The following DHX8 variants were observed in gnomAD, a reference collection of about 807,000 sequenced individuals.
The protein encoded by DHX8 is DEAH-box helicase 8.
A neutral mutation model predicts 140.7 loss-of-function variants in DHX8; 67 were observed. That is an observed-to-expected ratio of 0.48 (90% CI 0.39 to 0.58). The LOEUF is 0.58. Ranked by LOEUF, DHX8 falls within the 20% of genes least tolerant of loss-of-function variation. The pLI, the probability that DHX8 is intolerant of heterozygous loss-of-function variation, is 0.00. For missense variants in DHX8, 887 were observed against 1,550.7 expected (o/e 0.57, Z 7.19); for synonymous variants, 533 against 553.2 (o/e 0.96, Z 0.51).
chr17:43,510,167 G>A (rs898284785), intron 16 of DHX8, among the ~76,000 whole-genome samples: 5 of 152,222 alleles, frequency 3.3e-5, no homozygotes, highest in African/African-American at 1.2e-4. Context: ...TCCTGCCTCA[G>A]CCTCCCGAGT....
Position 43,507,359 on chromosome 17 carries a change from A to T in DHX8, c.1924-144A>T, listed in dbSNP as rs566139222. 129 of 1,080,894 alleles carry T rather than the reference A, an allele frequency of 1.2e-4. 2 individuals are homozygous for T. In the South Asian group the frequency reaches 1.6e-3, roughly 13 times the overall value. 67.0% of individuals were successfully genotyped at this position (1,080,894 alleles called of 1,614,324 possible). ...CAGTCTGTTCAGAGTATAGTCTAAG[A>T]CATACCTTACTATGAGGAAATTACT... On this transcript the variant is annotated intron_variant, in intron 13 of 22. Transcript: ENST00000262415.
chr17:43,541,310 G>A (rs904817301), intron 3 of DHX8, among the ~76,000 whole-genome samples: 19 of 152,208 alleles, frequency 1.2e-4, no homozygotes, highest in African/African-American at 1.7e-4. Context: ...ACCATGTTTC[G>A]TCTTAAGTGT....
At chr17:43,508,616 GTC>G in intron 16 of DHX8, 96 bp downstream of exon 16, 1 of 633,074 alleles carries the variant, frequency 1.6e-6, no homozygotes, top group Non-Finnish European at 2.6e-6. Context: ...GTGTATGCAA[GTC>G]TTTTTTTTTT....
At chr17:43,495,432 C>A (rs1968799589) in intron 8 of DHX8, among the ~76,000 whole-genome samples, 1 of 152,164 alleles carries the variant, frequency 6.6e-6, no homozygotes, top group African/African-American at 2.4e-5. Flanking sequence ...GCACATGCCA[C>A]CATGCCTGGC....
At chr17:43,522,325 T>G in intron 22 of DHX8, 99 bp downstream of exon 22, 1 of 1,178,210 alleles carries the variant, frequency 8.5e-7, no homozygotes, top group Non-Finnish European at 1.2e-6. Context: ...ACTCCCAGTA[T>G]GTCCTAGTAT....
Position 43,534,160 on chromosome 17 carries a change from C to T in DHX8, c.351-2252C>T, listed in dbSNP as rs72833140. On this transcript the variant is annotated intron_variant, in intron 2 of 3. Transcript: ENST00000589898. ...GAGACAAGAACATTTTGGCTATTTA[C>T]ATTATGTCTAGTTTATACATCAGAC... is the stretch of plus-strand genomic sequence containing the variant. Among the ~76,000 whole-genome samples the T allele has an allele frequency of 9.6e-3, 1,465 of 152,298 alleles. 12 individuals are homozygous for T. The highest frequency in any genetic ancestry group is 0.015 in the Admixed American group (237 of 15,292).
At chr17:43,488,528 G>C (rs1028989777) in intron 1 of DHX8, among the ~76,000 whole-genome samples, 23 of 150,562 alleles carry the variant, frequency 1.5e-4, no homozygotes, top group African/African-American at 5.6e-4. Flanking sequence ...GGAGAATGGC[G>C]TGAACCCGGG....
chr17:43,505,446 G>A (rs561208706), intron 12 of DHX8, among the ~76,000 whole-genome samples: 3 of 151,950 alleles, frequency 2.0e-5, no homozygotes, highest in South Asian at 4.2e-4. Context: ...GTCCATGCCT[G>A]TAATCCCAGC....
At position 43,524,262 on chromosome 17, in the gene DHX8, C is replaced by A. The variant is rs971040409; in HGVS notation, c.*415C>A. The A allele has an allele frequency of 9.7e-6, 10 of 1,025,870 alleles. No individual in the cohort carries two copies. The highest frequency in any genetic ancestry group is 1.2e-5 in the Non-Finnish European group (10 of 854,562). 63.5% of individuals were successfully genotyped at this position (1,025,870 alleles called of 1,614,324 possible). A position where few individuals can be genotyped will look rare whatever the true frequency, so the allele number is the denominator to read the frequency against. The stretch of plus-strand genomic sequence containing the variant: ...GTTTGCCCCACTTCCCACCCCGTCT[C>A]CAGCCCCTGTACTTTGGCTTGACCT... On this transcript the variant is annotated 3_prime_UTR_variant, in exon 23 of 23. Transcript: ENST00000262415.
Position 43,513,408 on chromosome 17 carries a change from G to T in DHX8, c.2549G>T (p.Gly850Val). The T allele has an allele frequency of 6.2e-7, 1 of 1,613,878 alleles. No homozygotes were observed. The highest frequency in any genetic ancestry group is 8.5e-7 in the Non-Finnish European group (1 of 1,179,898). Reference sequence around the variant, plus strand: ...GCAGAGACATCGCTGACTATTGATGGTATCTACTATGTGGTGGACCCAGGA... The same window carrying T: ...GCAGAGACATCGCTGACTATTGATGTTATCTACTATGTGGTGGACCCAGGA... Reference protein sequence around the residue: ...NIAETSLTIDGIYYVVDPGFV... With the variant: ...NIAETSLTIDVIYYVVDPGFV... The change falls in exon 17 of 23, where the codon GGT (glycine) becomes GTT (valine). Residue 850 changes from glycine to valine, a missense_variant. Coordinates refer to ENST00000262415, the MANE Select transcript of DHX8 (RefSeq NM_004941.3).
intron 2 of DHX8, chr17:43,532,828 G>C: frequency 6.2e-7 from 1 of 1,614,022 alleles, no homozygotes; most frequent in African/African-American, 1.3e-5. Flanking sequence ...GCTGGGGATA[G>C]GGTGGGCAGG....
At chr17:43,490,349 A>T (rs750720040) in intron 2 of DHX8, 42 bp from the exon 3 acceptor site, 2 of 1,516,788 alleles carry the variant, frequency 1.3e-6, no homozygotes, top group South Asian at 2.3e-5. Flanking sequence ...TTAAGCACTG[A>T]TATGGGAGCT....
At chr17:43,508,552 C>A in intron 16 of DHX8, 32 bp downstream of exon 16, 1 of 1,491,336 alleles carries the variant, frequency 6.7e-7, no homozygotes, top group Non-Finnish European at 9.3e-7. Flanking sequence ...CTTCCATGTG[C>A]CCTGAAACCA....
chr17:43,529,964 A>G (rs765827809), downstream of DHX8: 8 of 1,614,072 alleles, frequency 5.0e-6, no homozygotes, highest in African/African-American at 1.1e-4. Flanking sequence ...TTGTGGAGGA[A>G]ATTGGGGGTT....
Position 43,525,619 on chromosome 17 carries a change from C to T in DHX8, c.*1772C>T, listed in dbSNP as rs1970586921. 1 of 985,394 alleles carries T rather than the reference C, an allele frequency of 1.0e-6. No individual in the cohort carries two copies. Among genetic ancestry groups the T allele is most frequent in the Non-Finnish European group, 1.2e-6 (1 of 830,010 alleles). 61.0% of individuals were successfully genotyped at this position (985,394 alleles called of 1,614,324 possible). On this transcript the variant is annotated 3_prime_UTR_variant, in exon 23 of 23. Coordinates refer to ENST00000262415, the MANE Select transcript of DHX8 (RefSeq NM_004941.3). ...AAAGGGGAAACGGGGACTGGGCACC[C>T]ACCTCCCCAATCTCGTTTTGTTTTT... is the stretch of plus-strand genomic sequence containing the variant.
chr17:43,488,628 G>A (rs1451609827), intron 1 of DHX8, among the ~76,000 whole-genome samples: 1 of 149,946 alleles, frequency 6.7e-6, no homozygotes. Context: ...AAAAAAAGAA[G>A]AACTAGGCAG....
At chr17:43,511,850 A>C (rs1247116530) in intron 16 of DHX8, among the ~76,000 whole-genome samples, 7 of 104,922 alleles carry the variant, frequency 6.7e-5, no homozygotes, top group Non-Finnish European at 1.2e-4. Context: ...CCCTATCTCT[A>C]CAAAAAAAAA....
At chr17:43,529,929 G>A (rs1970809372), downstream of DHX8, 3 of 1,614,134 alleles carry the variant, frequency 1.9e-6, no homozygotes, top group South Asian at 1.1e-5. Flanking sequence ...GGGAATGGTC[G>A]CAGAGGTTTC....
At chr17:43,528,371 A>C, downstream of DHX8, 1 of 579,434 alleles carries the variant, frequency 1.7e-6, no homozygotes, top group Non-Finnish European at 3.0e-6. Context: ...TGAGCAGCTC[A>C]GAGTCTGGGC....
Sources: gnomAD v4.1 joint callset for allele counts (sites outside exome capture counted in the v4.1 genomes callset) on GRCh38, gnomAD v4.1.1 for gene constraint, MANE v1.5 for transcripts, NCBI Gene and HGNC (gene_info 2026-07-23, HGNC 2026-07-21) for gene names.